Variants in TTC3 observed in about 807,000 individuals in gnomAD.
The protein encoded by TTC3 is tetratricopeptide repeat domain 3.
In TTC3, 180 loss-of-function variants were observed where a neutral mutation model predicts 249.6. That is an observed-to-expected ratio of 0.72 (90% CI 0.64 to 0.82). The LOEUF (loss-of-function observed/expected upper bound fraction) is 0.82, where lower values mean the gene tolerates loss of function less well. Among genes scored for constraint, TTC3 ranks in the 40% least tolerant of loss-of-function variants. The pLI is 0.00. For synonymous variants in TTC3, 717 were observed against 805.0 expected, an observed-to-expected ratio of 0.89 and a Z score of 1.85; for missense variants, 2,061 against 2,398.4, an observed-to-expected ratio of 0.86 and a Z score of 2.94.
chr21:37,147,685 A>T (rs2079096734), intron 22 of TTC3, 82 bp downstream of exon 22: 2 of 1,493,130 alleles, frequency 1.3e-6, no homozygotes, highest in African/African-American at 1.5e-5. Context: ...AATTGGAGGC[A>T]CCCAAGTTCT....
chr21:37,083,039 C>A (rs1388446512), intron 1 of TTC3: 1 of 985,200 alleles, frequency 1.0e-6, no homozygotes, highest in Non-Finnish European at 1.2e-6. Flanking sequence ...CAGAGATAAA[C>A]CTGTGATGGT....
At chr21:37,130,319 G>A (rs1333493094) in intron 16 of TTC3, among the ~76,000 whole-genome samples, 1 of 151,824 alleles carries the variant, frequency 6.6e-6, no homozygotes, top group Non-Finnish European at 1.5e-5. Context: ...GCCCTCCCCT[G>A]TACCCCTAAA....
chr21:37,110,549 G>A (rs1471761061), intron 11 of TTC3, among the ~76,000 whole-genome samples: 2 of 152,168 alleles, frequency 1.3e-5, no homozygotes, highest in East Asian at 3.8e-4. Flanking sequence ...AAGAAATATG[G>A]GACTGTGTGA....
chr21:37,132,815 A>G, intron 17 of TTC3, 49 bp downstream of exon 17: 1 of 1,370,908 alleles, frequency 7.3e-7, no homozygotes. Context: ...TTTGAACAAA[A>G]CATTGTTCAC....
Position 37,088,782 on chromosome 21 carries a change from A to C in TTC3, c.339-17A>C. The C allele has an allele frequency of 6.2e-7, 1 of 1,603,050 alleles. No homozygotes were observed. Among genetic ancestry groups the C allele is most frequent in the Non-Finnish European group, 8.5e-7 (1 of 1,174,624 alleles). Reference sequence around the variant, plus strand: ...ATATGAGAATCTAATCTTTTAAAAAATAAATTTGTCTTTAAGCAATTCACG... The same window carrying C: ...ATATGAGAATCTAATCTTTTAAAAACTAAATTTGTCTTTAAGCAATTCACG... On this transcript the variant is annotated splice_polypyrimidine_tract_variant and intron_variant, in intron 4 of 45. Transcript: ENST00000355666.
chr21:37,199,555 A>G (rs2085285933), intron 44 of TTC3, among the ~76,000 whole-genome samples: 1 of 152,200 alleles, frequency 6.6e-6, no homozygotes, highest in African/African-American at 2.4e-5. Flanking sequence ...AACCCTGCCC[A>G]TGGATGTTTG....
At chr21:37,128,431 T>C (rs141610402) in intron 15 of TTC3, among the ~76,000 whole-genome samples, 4,185 of 152,302 alleles carry the variant, frequency 0.027, 83 homozygotes, top group Middle Eastern at 0.041. Flanking sequence ...TTTTGAGGTC[T>C]TGAAATCACA....
At chr21:37,172,449 A>T in intron 34 of TTC3, 146 bp from the exon 35 acceptor site, 1 of 874,432 alleles carries the variant, frequency 1.1e-6, no homozygotes, top group Non-Finnish European at 1.7e-6. Flanking sequence ...AGGGGTTTTT[A>T]ATTCCTGAAT....
intron 23 of TTC3, 25 bp from the exon 24 acceptor site, chr21:37,150,053 G>GT (rs35491163): frequency 0.035 from 44,719 of 1,289,740 alleles, no homozygotes; most frequent in Non-Finnish European, 0.039. Flanking sequence ...CATTTTTCTT[G>GT]TTTTTTTTTT....
chr21:37,137,463 A>AC (rs2078058733), intron 18 of TTC3, among the ~76,000 whole-genome samples: 1 of 152,192 alleles, frequency 6.6e-6, no homozygotes, highest in Non-Finnish European at 1.5e-5. Flanking sequence ...GGAGGAAGTC[A>AC]CTGCAGATGT....
chr21:37,147,824 G>T (rs2079112523), intron 22 of TTC3, among the ~76,000 whole-genome samples: 1 of 151,960 alleles, frequency 6.6e-6, no homozygotes, highest in Non-Finnish European at 1.5e-5. Context: ...CGCCTCCTGG[G>T]TTCAAGCAAT....
intron 30 of TTC3, 119 bp downstream of exon 30, chr21:37,160,977 C>T: frequency 2.0e-6 from 2 of 994,832 alleles, no homozygotes; most frequent in Non-Finnish European, 2.8e-6. Flanking sequence ...GAAAGACTTT[C>T]TAGGACTTAA....
At chr21:37,197,480 G>C in intron 42 of TTC3, 90 bp from the exon 43 acceptor site, 1 of 1,487,688 alleles carries the variant, frequency 6.7e-7, no homozygotes, top group Non-Finnish European at 9.3e-7. Context: ...TTGTTTCTTT[G>C]GGTTGGGCTG....
rs188666411 is a variant in TTC3, at chr21:37,167,728, T to A, written c.4467+108T>A. ...GGAGTCAGCTTATTCCACACAAAGT[T>A]ATCATGGAATAAGCTTGAGAACATA... On this transcript the variant is annotated intron_variant, in intron 34 of 45. Coordinates refer to ENST00000355666, the Ensembl canonical transcript of TTC3. 188 of 732,086 alleles carry A rather than the reference T, an allele frequency of 2.6e-4. No homozygotes were observed. The African/African-American group carries it at 3.0e-3, about 12-fold the overall frequency. 45.3% of individuals were successfully genotyped at this position (732,086 alleles called of 1,614,324 possible).
chr21:37,073,673 C>T (rs1008923164), intron 1 of TTC3, among the ~76,000 whole-genome samples, 200 bp downstream of exon 1: 22 of 152,202 alleles, frequency 1.4e-4, no homozygotes, highest in African/African-American at 4.6e-4. Context: ...TTGTGCGCAA[C>T]CCCCCGCTGC....
At position 37,182,541 on chromosome 21, in the gene TTC3, G is replaced by T. The variant is rs2835651; in HGVS notation, c.4618-233G>T. On this transcript the variant is annotated intron_variant, in intron 35 of 45. Coordinates refer to ENST00000355666, the Ensembl canonical transcript of TTC3. ...GCACGTCGGAGTGGTTCTTCGGGGTGTCTTACTGTAATCAGGTACACGTAG... is the reference window on the plus strand; with the variant it reads ...GCACGTCGGAGTGGTTCTTCGGGGTTTCTTACTGTAATCAGGTACACGTAG... 0.2 allele frequency among the ~76,000 whole-genome samples: 31,157 copies of T among 152,178 alleles called. 3,847 individuals are homozygous for T. Among genetic ancestry groups the T allele is most frequent in the African/African-American group, 0.32 (13,203 of 41,486 alleles).
chr21:37,153,464 C>G, intron 27 of TTC3, 187 bp downstream of exon 27: 1 of 588,506 alleles, frequency 1.7e-6, no homozygotes, highest in Non-Finnish European at 2.7e-6. Context: ...TGCTTAATCT[C>G]AGGAATTTGA....
At chr21:37,157,624 C>T (rs1025584855) in intron 28 of TTC3, among the ~76,000 whole-genome samples, 2 of 152,146 alleles carry the variant, frequency 1.3e-5, no homozygotes, top group Non-Finnish European at 2.9e-5. Flanking sequence ...GGTAGAGTCT[C>T]AGATGGGCTG....
intron 32 of TTC3, among the ~76,000 whole-genome samples, chr21:37,165,187 CT>C: frequency 6.6e-6 from 1 of 152,240 alleles, no homozygotes; most frequent in East Asian, 1.9e-4. Flanking sequence ...TTGATTTTCT[CT>C]TTTTATTTAA....
Sources: gnomAD v4.1 joint callset for allele counts (sites outside exome capture counted in the v4.1 genomes callset) on GRCh38, gnomAD v4.1.1 for gene constraint, MANE v1.5 for transcripts, NCBI Gene and HGNC (gene_info 2026-07-23, HGNC 2026-07-21) for gene names.